The following PAX2 variants were observed in gnomAD, a reference collection of about 807,000 sequenced individuals.
The protein encoded by PAX2 is paired box protein Pax-2.
Under a neutral mutation model 41.7 loss-of-function variants are expected in PAX2, and 9 were observed. That is an observed-to-expected ratio of 0.22 (90% CI 0.13 to 0.38). PAX2 has a LOEUF of 0.38. Among genes scored for constraint, PAX2 ranks in the 10% least tolerant of loss-of-function variants. PAX2 has a pLI of 1.00. For synonymous variants in PAX2, 221 were observed against 212.7 expected, an observed-to-expected ratio of 1.04 and a Z score of -0.34; for missense variants, 418 against 531.6, an observed-to-expected ratio of 0.79 and a Z score of 2.10.
intron 7 of PAX2, among the ~76,000 whole-genome samples, chr10:100,814,050 C>G (rs182355782): frequency 5.3e-5 from 8 of 152,178 alleles, no homozygotes; most frequent in Middle Eastern, 3.4e-3. Flanking sequence ...GTTTAATATT[C>G]TAAAAAAGAT....
intron 6 of PAX2, among the ~76,000 whole-genome samples, chr10:100,808,909 G>A (rs978600012): frequency 6.6e-6 from 1 of 152,190 alleles, no homozygotes; most frequent in Non-Finnish European, 1.5e-5. Context: ...AGGGTGCTGT[G>A]CCTCCGGTTT....
At position 100,824,003 on chromosome 10, in the gene PAX2, T is replaced by C. The variant is rs1848454819; in HGVS notation, c.920-645T>C. Among the ~76,000 whole-genome samples, 1 of 152,168 alleles carries C rather than the reference T, an allele frequency of 6.6e-6. No individual in the cohort carries two copies. The highest frequency in any genetic ancestry group is 2.4e-5 in the African/African-American group (1 of 41,426). ...GCACTTTTGGCTCAAAGCTCCTGAT[T>C]CACTTCAGGGTGGTTTTCTATCATG... On this transcript the variant is annotated intron_variant, in intron 7 of 9. Transcript: ENST00000355243. The surrounding 1 kb of genome is among the most constrained non-coding windows in gnomAD (Gnocchi z 6.6).
At chr10:100,821,684 C>T (rs980357849) in intron 7 of PAX2, among the ~76,000 whole-genome samples, 1 of 152,204 alleles carries the variant, frequency 6.6e-6, no homozygotes, top group Non-Finnish European at 1.5e-5. Context: ...TGTCTTCCTT[C>T]CTCCTGAAGT....
At chr10:100,749,662 C>G in intron 1 of PAX2, 84 bp from the exon 2 acceptor site, 2 of 1,543,918 alleles carry the variant, frequency 1.3e-6, no homozygotes, top group East Asian at 2.3e-5. Flanking sequence ...CTGCTTCCTT[C>G]GCCCGTCCCG....
chr10:100,798,877 G>A (rs749145176), intron 5 of PAX2, among the ~76,000 whole-genome samples: 9 of 152,246 alleles, frequency 5.9e-5, no homozygotes, highest in East Asian at 1.9e-4. Context: ...CTGCTGTGCC[G>A]CCGTGGGGGT....
Position 100,750,832 on chromosome 10 carries a change from G to C in PAX2, c.351G>C (p.Arg117=). The C allele has an allele frequency of 6.2e-7, 1 of 1,614,188 alleles. No homozygotes were observed. The highest frequency in any genetic ancestry group is 8.5e-7 in the Non-Finnish European group (1 of 1,180,030). The part of the protein sequence containing the change: ...PTMFAWEIRD[R]LLAEGICDND... ...TGTTCGCCTGGGAGATTCGAGACCGGCTCCTGGCCGAGGGCATCTGTGACA... is the reference window on the plus strand; with the variant it reads ...TGTTCGCCTGGGAGATTCGAGACCGCCTCCTGGCCGAGGGCATCTGTGACA... The change falls in exon 3 of 10, where the codon CGG becomes CGC. Residue 117 remains arginine (R), a synonymous_variant. Transcript: ENST00000355243. The surrounding 1 kb of genome is among the most constrained non-coding windows in gnomAD (Gnocchi z 4.1).
rs753093495 is a variant in PAX2, at chr10:100,827,131, C to T, written c.1108+36C>T. ...CACCTGGCTGGCCGGCGGCTCAGCG[C>T]GGCCGCGCGGCTTCTGGGCACGGTC... On this transcript the variant is annotated intron_variant, in intron 9 of 9. Transcript: ENST00000355243. The surrounding 1 kb of genome is among the most constrained non-coding windows in gnomAD (Gnocchi z 8.5). 6.5e-7 allele frequency: 1 copy of T among 1,534,236 alleles called. No homozygotes were observed. The highest frequency in any genetic ancestry group is 9.0e-7 in the Non-Finnish European group (1 of 1,108,504).
chr10:100,745,652 C>T lies in PAX2; in HGVS notation c.-609C>T. 3.0e-6 allele frequency: 2 copies of T among 661,378 alleles called. No individual in the cohort carries two copies. Among genetic ancestry groups the T allele is most frequent in the Non-Finnish European group, 3.8e-6 (2 of 523,948 alleles). 41.0% of individuals were successfully genotyped at this position (661,378 alleles called of 1,614,324 possible). On this transcript the variant is annotated 5_prime_UTR_variant, in exon 1 of 10. Coordinates refer to ENST00000355243, the MANE Select transcript of PAX2 (RefSeq NM_000278.5). ...GCCCAGAGCTGCCAGCGCCGCTCGG[C>T]TCCCTCCCTCCCTCCCGGCCCTTCG... is the stretch of plus-strand genomic sequence containing the variant.
At chr10:100,746,405 G>A in intron 1 of PAX2, 102 bp downstream of exon 1, 1 of 835,098 alleles carries the variant, frequency 1.2e-6, no homozygotes, top group South Asian at 1.3e-5. Context: ...GTCCCATCTT[G>A]GAGGCCTCCC....
intron 7 of PAX2, among the ~76,000 whole-genome samples, chr10:100,810,280 G>T (rs574006224): frequency 5.3e-5 from 8 of 152,302 alleles, no homozygotes; most frequent in African/African-American, 1.9e-4. Flanking sequence ...TCTGAGTGCG[G>T]CTGCATTTGA....
At chr10:100,813,045 AT>A (rs2133963703) in intron 7 of PAX2, among the ~76,000 whole-genome samples, 1 of 152,358 alleles carries the variant, frequency 6.6e-6, no homozygotes, top group South Asian at 2.1e-4. Context: ...CAAAAATAAA[AT>A]ACCTCATAAT....
At chr10:100,749,019 A>AC (rs1845326449) in intron 1 of PAX2, 1 of 985,216 alleles carries the variant, frequency 1.0e-6, no homozygotes, top group Non-Finnish European at 1.2e-6. Context: ...AGCGCAGCAG[A>AC]CCCCGGGCCC....
At chr10:100,800,269 C>CTTCCT (rs1564733635) in intron 5 of PAX2, among the ~76,000 whole-genome samples, 1 of 41,272 alleles carries the variant, frequency 2.4e-5, no homozygotes. Flanking sequence ...CTTTTCTTTT[C>CTTCCT]TTTCTTTTTT....
In PAX2 at chr10:100,827,727, C is replaced by G. The variant is rs1174485286; in HGVS notation, c.*108C>G. ...GAGGACCGACGCGACGCGATGCCTC[C>G]CGGCCACCGCCCCAGCCTCACCCCA... On this transcript the variant is annotated 3_prime_UTR_variant, in exon 10 of 10. Transcript: ENST00000355243. The surrounding 1 kb of genome is among the most constrained non-coding windows in gnomAD (Gnocchi z 8.5). 4.4e-6 allele frequency: 7 copies of G among 1,592,268 alleles called. No individual in the cohort carries two copies. Among genetic ancestry groups the G allele is most frequent in the Non-Finnish European group, 5.2e-6 (6 of 1,163,412 alleles).
intron 5 of PAX2, among the ~76,000 whole-genome samples, chr10:100,797,111 T>G (rs934404873): frequency 6.6e-6 from 1 of 152,256 alleles, no homozygotes; most frequent in African/African-American, 2.4e-5. Context: ...CTTTTGGAAT[T>G]CTTGTCAACA....
upstream of PAX2, among the ~76,000 whole-genome samples, chr10:100,743,235 G>A (rs557486312): frequency 6.6e-6 from 1 of 152,234 alleles, no homozygotes; most frequent in East Asian, 1.9e-4. Flanking sequence ...TCCTCAGAAG[G>A]TGCATGTGAA....
At chr10:100,739,774 C>A (rs375393720) in intron 1 of PAX2, among the ~76,000 whole-genome samples, 132 of 152,348 alleles carry the variant, frequency 8.7e-4, no homozygotes, top group Middle Eastern at 6.8e-3. Flanking sequence ...GGTCAGCCTG[C>A]ACCGTCTCCC....
Position 100,827,185 on chromosome 10 carries a change from C to A in PAX2, c.1108+90C>A. On this transcript the variant is annotated intron_variant, in intron 9 of 9. Transcript: ENST00000355243. This position sits in a 1 kb window ranked among gnomAD's most constrained non-coding sequence, Gnocchi z 8.5. ...CTCCCGGCGACCCGACCTCTGGGGACCCGGCCGGGCCAGGGGGACAGGCTT... is the reference window on the plus strand; with the variant it reads ...CTCCCGGCGACCCGACCTCTGGGGAACCGGCCGGGCCAGGGGGACAGGCTT... 2.8e-6 allele frequency: 3 copies of A among 1,058,048 alleles called. No individual in the cohort carries two copies. The highest frequency in any genetic ancestry group is 4.4e-6 in the Non-Finnish European group (3 of 689,144). 65.5% of individuals were successfully genotyped at this position (1,058,048 alleles called of 1,614,324 possible).
At chr10:100,788,017 C>T (rs767241812) in intron 5 of PAX2, among the ~76,000 whole-genome samples, 16 of 152,114 alleles carry the variant, frequency 1.1e-4, no homozygotes, top group Non-Finnish European at 1.9e-4. Flanking sequence ...GTGGTGTCAC[C>T]GTGTGAGGTG....
Sources: allele counts gnomAD v4.1 joint callset (sites outside exome capture counted in the v4.1 genomes callset), GRCh38; gene constraint gnomAD v4.1.1; non-coding constraint Gnocchi (gnomAD v3.1); transcripts MANE v1.5; gene names NCBI Gene and HGNC (gene_info 2026-07-23, HGNC 2026-07-21).